ARHGAP39: variants seen among roughly 807,000 people sequenced by gnomAD.
ARHGAP39 encodes the protein rho GTPase-activating protein 39.
ARHGAP39 carries 44 observed loss-of-function variants against 106.9 expected under a neutral mutation model. That is an observed-to-expected ratio of 0.41 (90% CI 0.32 to 0.53). The LOEUF (loss-of-function observed/expected upper bound fraction) is 0.53. Ranked by LOEUF, ARHGAP39 falls within the 20% of genes least tolerant of loss-of-function variation. ARHGAP39 has a pLI of 0.21. For synonymous variants in ARHGAP39, 768 were observed against 693.2 expected (o/e 1.11, Z -1.69); for missense variants, 1,496 against 1,577.3 (o/e 0.95, Z 0.87).
rs1821482007 is a variant in ARHGAP39 at position 144,647,750 on chromosome 8, G to C, written c.-82+37936C>G. Among the ~76,000 whole-genome samples, 1 of 152,252 alleles carries C rather than the reference G, an allele frequency of 6.6e-6. No homozygotes were observed. Among genetic ancestry groups the C allele is most frequent in the Admixed American group, 6.5e-5 (1 of 15,284 alleles). The stretch of plus-strand genomic sequence containing the variant: ...GAAAGCAAGACGCCGTGCCAGGGGA[G>C]GGCAGCTGGAAGCCATGCATGCGTC... On this transcript the variant is annotated intron_variant, in intron 1 of 11. Coordinates refer to ENST00000377307, the MANE Select transcript of ARHGAP39 (RefSeq NM_025251.3). This position sits in a 1 kb window ranked among gnomAD's most constrained non-coding sequence, Gnocchi z 4.8.
intron 1 of ARHGAP39, among the ~76,000 whole-genome samples, chr8:144,617,477 C>G (rs1479706470): frequency 1.3e-5 from 2 of 152,022 alleles, no homozygotes; most frequent in Non-Finnish European, 2.9e-5. Flanking sequence ...ACCTGAGCAC[C>G]CAGCGCCGCA....
intron 11 of ARHGAP39, 33 bp from the exon 12 acceptor site, chr8:144,530,649 C>CGGGGGGG: frequency 7.5e-6 from 1 of 134,170 alleles, no homozygotes; most frequent in Non-Finnish European, 9.9e-6. Context: ...CGCGGAGGGG[C>CGGGGGGG]GGGGGCGGGG....
At chr8:144,590,316 A>T (rs924284564) in intron 2 of ARHGAP39, among the ~76,000 whole-genome samples, 8 of 152,216 alleles carry the variant, frequency 5.3e-5, no homozygotes, top group Admixed American at 2.6e-4. Flanking sequence ...CTTGTCCCCA[A>T]ACCTCACGTT....
At chr8:144,563,284 C>T (rs770320515) in intron 3 of ARHGAP39, among the ~76,000 whole-genome samples, 7 of 152,190 alleles carry the variant, frequency 4.6e-5, no homozygotes, top group East Asian at 1.9e-4. Flanking sequence ...GGCATCAACA[C>T]GAACTTCATG....
the ARHGAP39 span, among the ~76,000 whole-genome samples, chr8:144,694,003 G>A: frequency 1.7e-3 from 254 of 152,256 alleles, 2 homozygotes; most frequent in Admixed American, 7.2e-3. Flanking sequence ...AGCAAATAGC[G>A]AGGGCAAAGG....
At chr8:144,627,957 C>T (rs1586625181) in intron 1 of ARHGAP39, among the ~76,000 whole-genome samples, 1 of 152,174 alleles carries the variant, frequency 6.6e-6, no homozygotes, top group African/African-American at 2.4e-5. Flanking sequence ...GGGGGCCCGC[C>T]GCAACTCAGA....
intron 2 of ARHGAP39, among the ~76,000 whole-genome samples, chr8:144,595,943 A>G (rs1230433845): frequency 6.6e-6 from 1 of 151,954 alleles, no homozygotes; most frequent in African/African-American, 2.4e-5. Flanking sequence ...TCCTCTTTCT[A>G]TCCTTATAGT....
chr8:144,682,244 CAAAAAA>C (rs1199836499), intron 1 of ARHGAP39, among the ~76,000 whole-genome samples: 10 of 30,688 alleles, frequency 3.3e-4, no homozygotes, highest in Admixed American at 1.2e-3. Context: ...GACTCTATCT[CAAAAAA>C]AAAAAAAAAA....
chr8:144,551,084 C>T (rs752818852), intron 4 of ARHGAP39, among the ~76,000 whole-genome samples: 54 of 152,234 alleles, frequency 3.5e-4, no homozygotes, highest in Non-Finnish European at 6.9e-4. Context: ...CTTTTTACCA[C>T]TTAACAGATA....
chr8:144,627,923 C>T (rs900319428), intron 1 of ARHGAP39, among the ~76,000 whole-genome samples: 9 of 152,198 alleles, frequency 5.9e-5, no homozygotes, highest in Non-Finnish European at 1.2e-4. Flanking sequence ...GCATGGGAGC[C>T]TTGCCCCTGC....
At chr8:144,613,798 T>G (rs913720592) in intron 1 of ARHGAP39, among the ~76,000 whole-genome samples, 3 of 152,230 alleles carry the variant, frequency 2.0e-5, no homozygotes, top group African/African-American at 7.2e-5. Context: ...GATCTAGGCT[T>G]ATAGTTTCCA....
intron 2 of ARHGAP39, among the ~76,000 whole-genome samples, chr8:144,600,924 CTGTGTG>C (rs376202978): frequency 7.4e-6 from 1 of 134,792 alleles, no homozygotes; most frequent in African/African-American, 2.8e-5. Context: ...GCTCATGTAC[CTGTGTG>C]TGTGTGGAGG....
intron 1 of ARHGAP39, among the ~76,000 whole-genome samples, chr8:144,617,970 T>TG (rs1372924920): frequency 1.3e-5 from 2 of 151,826 alleles, no homozygotes; most frequent in Admixed American, 1.3e-4. Context: ...TTTCTAGAGA[T>TG]GGGGTCTCTC....
chr8:144,548,070 C>A lies in ARHGAP39; in HGVS notation c.1016G>T (p.Gly339Val). ...PMDVQFEAGG[G>V]YQAGSPQRSP... ...CCGCTGGGGAGAGCCGGCCTGGTAGCCCCCGCCAGCCTCGAATTGCACGTC... is the reference window on the plus strand; with the variant it reads ...CCGCTGGGGAGAGCCGGCCTGGTAGACCCCGCCAGCCTCGAATTGCACGTC... The change falls in exon 5 of 12, where the codon GGC becomes GTC. Residue 339 changes from glycine (G) to valine (V), a missense_variant. Physicochemically the swap from Gly to Val is moderately radical, Grantham distance 109. This residue lies in a region of ARHGAP39 where 905 missense variants were observed against 816.4 expected (regional missense o/e 1.11). Transcript: ENST00000377307. The surrounding 1 kb of genome is among the most constrained non-coding windows in gnomAD (Gnocchi z 7.4). 1 of 1,594,704 alleles carries A rather than the reference C, an allele frequency of 6.3e-7. No homozygotes were observed. Among genetic ancestry groups the A allele is most frequent in the Non-Finnish European group, 8.5e-7 (1 of 1,171,194 alleles).
intron 6 of ARHGAP39, among the ~76,000 whole-genome samples, chr8:144,540,833 C>T (rs554915836): frequency 1.3e-5 from 2 of 152,266 alleles, no homozygotes; most frequent in East Asian, 3.9e-4. Flanking sequence ...AAACGAAGTC[C>T]CTGTCTGGGG....
chr8:144,674,395 C>T (rs892742281), intron 1 of ARHGAP39, among the ~76,000 whole-genome samples: 1 of 152,222 alleles, frequency 6.6e-6, no homozygotes, highest in African/African-American at 2.4e-5. Flanking sequence ...GACTGGTTAG[C>T]TCCTATCCTA....
intron 3 of ARHGAP39, among the ~76,000 whole-genome samples, chr8:144,565,534 C>T (rs1818362337): frequency 1.3e-5 from 2 of 151,890 alleles, no homozygotes; most frequent in South Asian, 4.2e-4. Flanking sequence ...ACTAAAAATA[C>T]AAAAATTAGC....
rs200874341 is a variant in ARHGAP39 at position 144,545,574 on chromosome 8, G to A, written c.2196C>T (p.Ile732=). 5.1e-5 allele frequency: 82 copies of A among 1,613,630 alleles called. No homozygotes were observed. The highest frequency in any genetic ancestry group is 1.6e-4 in the Middle Eastern group (1 of 6,084). The change falls in exon 6 of 12, where the codon ATC becomes ATT. Residue 732 remains isoleucine (I), a synonymous_variant. Coordinates refer to ENST00000377307, the MANE Select transcript of ARHGAP39 (RefSeq NM_025251.3). ...TCTTCACGTGCCGGTCGCTTGTCAC[G>A]ATCATGGGCTTCTTGATGGACTCGC... ...WSSESIKKPM[I]VTSDRHVKKE... is the part of the protein sequence containing the mutation.
At chr8:144,621,737 G>A (rs1460296582) in intron 1 of ARHGAP39, among the ~76,000 whole-genome samples, 1 of 152,222 alleles carries the variant, frequency 6.6e-6, no homozygotes, top group Non-Finnish European at 1.5e-5. Context: ...AGGATGGCTT[G>A]AGGCCCTGAG....
Sources: gnomAD v4.1 joint callset for allele counts (sites outside exome capture counted in the v4.1 genomes callset) on GRCh38, gnomAD v4.1.1 for gene constraint, gnomAD v4.1.1 regional missense constraint, Gnocchi (gnomAD v3.1) non-coding constraint, MANE v1.5 for transcripts, NCBI Gene and HGNC (gene_info 2026-07-23, HGNC 2026-07-21) for gene names.